WDR19: variants seen among roughly 807,000 people sequenced by gnomAD.
WDR19 encodes the protein WD repeat domain 19, also known as WD repeat-containing protein 19.
In WDR19, 121 loss-of-function variants were observed where a neutral mutation model predicts 180.0. The ratio of observed to expected loss-of-function variants is 0.67; its 90% confidence interval spans 0.58 to 0.78. The LOEUF (loss-of-function observed/expected upper bound fraction) is 0.78, where lower values mean the gene tolerates loss of function less well. Among genes scored for constraint, WDR19 ranks in the 30% least tolerant of loss-of-function variants. The probability of loss-of-function intolerance (pLI) is 0.00; values close to 1 mark genes in which losing one functional copy is unlikely to be tolerated. For synonymous variants in WDR19, 497 were observed against 540.7 expected, an observed-to-expected ratio of 0.92 and a Z score of 1.12; for missense variants, 1,450 against 1,640.7, an observed-to-expected ratio of 0.88 and a Z score of 2.01.
Position 39,235,055 on chromosome 4 carries a change from C to T in WDR19, c.2363+180C>T, listed in dbSNP as rs560580028. On this transcript the variant is annotated intron_variant, in intron 20 of 36. Transcript: ENST00000399820. Reference sequence around the variant, plus strand: ...TAACAATGTCTTATCCATGCATTATCCACTTTAAGTTTTCAGCATCAAAAT... The same window carrying T: ...TAACAATGTCTTATCCATGCATTATTCACTTTAAGTTTTCAGCATCAAAAT... 2.0e-4 allele frequency among the ~76,000 whole-genome samples: 30 copies of T among 152,184 alleles called. No homozygotes were observed. In the South Asian group the frequency reaches 5.0e-3, roughly 25 times the overall value.
chr4:39,271,022 G>A (rs1423694505), intron 31 of WDR19, among the ~76,000 whole-genome samples: 1 of 151,570 alleles, frequency 6.6e-6, no homozygotes, highest in Non-Finnish European at 1.5e-5. Flanking sequence ...AGCCTCCTGA[G>A]TAGCTGGGAT....
chr4:39,213,601 GT>G (rs370472375), intron 9 of WDR19, among the ~76,000 whole-genome samples: 2 of 152,270 alleles, frequency 1.3e-5, no homozygotes, highest in East Asian at 3.9e-4. Flanking sequence ...GGAGGTGAGT[GT>G]TTATAAAAAG....
chr4:39,193,004 A>G (rs1726325599), intron 4 of WDR19, among the ~76,000 whole-genome samples: 1 of 152,204 alleles, frequency 6.6e-6, no homozygotes, highest in African/African-American at 2.4e-5. Context: ...ACGGAGGGAA[A>G]TCTGAGAGGC....
chr4:39,264,853 G>T (rs1196553920), intron 28 of WDR19, among the ~76,000 whole-genome samples: 3 of 151,084 alleles, frequency 2.0e-5, no homozygotes, highest in Non-Finnish European at 2.9e-5. Context: ...CTGCAATGTG[G>T]TACATTATTT....
At chr4:39,182,598 A>G (rs375340188) in intron 1 of WDR19, 35 bp downstream of exon 1, 8 of 1,612,948 alleles carry the variant, frequency 5.0e-6, no homozygotes, top group Non-Finnish European at 2.5e-6. Context: ...GTGGGGCGGG[A>G]AAACGCGACT....
intron 30 of WDR19, 74 bp downstream of exon 30, chr4:39,268,165 G>A: frequency 7.7e-7 from 1 of 1,299,312 alleles, no homozygotes; most frequent in Non-Finnish European, 1.1e-6. Flanking sequence ...TTCTGTGTAG[G>A]AAAGAGTAGC....
chr4:39,215,923 C>A lies in WDR19; in HGVS notation c.1044C>A (p.Thr348=), dbSNP rs1390357298. 6.2e-7 allele frequency: 1 copy of A among 1,613,650 alleles called. No homozygotes were observed. Among genetic ancestry groups the A allele is most frequent in the Non-Finnish European group, 8.5e-7 (1 of 1,179,798 alleles). Residue 348 remains threonine (T), a synonymous_variant, in exon 11 of 37, where the codon ACC becomes ACA. Coordinates refer to ENST00000399820, the MANE Select transcript of WDR19 (RefSeq NM_025132.4). ...GGGGCTCACTTCATGTTTTCCTGAC[C>A]AAGCTTCCCATACTTGGGGATGCCT... ...TQRGSLHVFL[T]KLPILGDACS...
At chr4:39,214,530 T>TTTG in intron 9 of WDR19, 71 bp from the exon 10 acceptor site, 1 of 905,188 alleles carries the variant, frequency 1.1e-6, no homozygotes, top group South Asian at 1.7e-5. Context: ...TGGTTTGTAA[T>TTTG]TTTTTGTGAA....
rs1240185188 is a variant in WDR19, at chr4:39,244,531, T to C, written c.2624T>C (p.Val875Ala). The change falls in exon 23 of 37, where the codon GTT becomes GCT. Residue 875 changes from valine to alanine, a missense_variant. Transcript: ENST00000399820. ...CTCTACTACGATAAAGCAGCATCTG[T>C]TTACATCCGCTCTAAGAATTGGTAA... ...KGLYYDKAAS[V>A]YIRSKNWAKV... 14 of 1,613,980 alleles carry C rather than the reference T, an allele frequency of 8.7e-6. No homozygotes were observed. Among genetic ancestry groups the C allele is most frequent in the Admixed American group, 1.7e-5 (1 of 60,030 alleles).
intron 12 of WDR19, 75 bp downstream of exon 12, chr4:39,216,285 C>A (rs2109327668): frequency 1.7e-6 from 2 of 1,174,678 alleles, no homozygotes; most frequent in Middle Eastern, 1.9e-4. Context: ...CTGCAAGTTT[C>A]TTTTAGGACC....
intron 17 of WDR19, among the ~76,000 whole-genome samples, chr4:39,230,036 C>T (rs186985102): frequency 1.3e-5 from 2 of 152,296 alleles, no homozygotes; most frequent in African/African-American, 4.8e-5. Context: ...AGCCTTGTAA[C>T]GATCTCATCT....
rs1735532595 is a variant in WDR19 at position 39,273,044 on chromosome 4, T to C, written c.3548T>C (p.Ile1183Thr). ...ARMLIRVANNISKFPSHIVPI... is the reference protein window; with the variant it reads ...ARMLIRVANNTSKFPSHIVPI... ...ATGCTCATTCGGGTGGCCAACAACA[T>C]CAGCAAATTTCCATCACGTAAGTAC... Residue 1183 changes from isoleucine (I) to threonine (T), a missense_variant, in exon 32 of 37, where the codon ATC becomes ACC. Coordinates refer to ENST00000399820, the MANE Select transcript of WDR19 (RefSeq NM_025132.4). The C allele has an allele frequency of 6.2e-7, 1 of 1,604,446 alleles. No homozygotes were observed. Among genetic ancestry groups the C allele is most frequent in the African/African-American group, 1.3e-5 (1 of 74,724 alleles).
At chr4:39,267,477 C>T (rs930487257) in intron 29 of WDR19, among the ~76,000 whole-genome samples, 3 of 152,200 alleles carry the variant, frequency 2.0e-5, no homozygotes, top group Non-Finnish European at 2.9e-5. Context: ...GCGTCAGATG[C>T]TCGCAGCTGT....
intron 9 of WDR19, among the ~76,000 whole-genome samples, chr4:39,208,589 C>T (rs1286632231): frequency 6.6e-6 from 1 of 152,040 alleles, no homozygotes; most frequent in African/African-American, 2.4e-5. Flanking sequence ...AGGTGTGAGC[C>T]ACCACGCCCA....
At chr4:39,263,439 T>G (rs1734491068) in intron 28 of WDR19, among the ~76,000 whole-genome samples, 1 of 152,142 alleles carries the variant, frequency 6.6e-6, no homozygotes, top group African/African-American at 2.4e-5. Flanking sequence ...TGGTCCCTTC[T>G]CAGCCTCCTT....
intron 5 of WDR19, among the ~76,000 whole-genome samples, chr4:39,198,724 G>T (rs1263338820): frequency 1.3e-5 from 2 of 152,144 alleles, no homozygotes; most frequent in Non-Finnish European, 2.9e-5. Flanking sequence ...AAATGGCCAG[G>T]TGCGGTGGCT....
In WDR19 at chr4:39,214,596, T is replaced by C; in HGVS notation, c.891-5T>C. On this transcript the variant is annotated splice_region_variant and splice_polypyrimidine_tract_variant and intron_variant, in intron 9 of 36. Coordinates refer to ENST00000399820, the MANE Select transcript of WDR19 (RefSeq NM_025132.4). ...ATTTTTTAATAATGCATTTTTGTTTTTCAGCATTAAAATCCAAGACTTGGT... is the reference window on the plus strand; with the variant it reads ...ATTTTTTAATAATGCATTTTTGTTTCTCAGCATTAAAATCCAAGACTTGGT... 2 of 1,518,842 alleles carry C rather than the reference T, an allele frequency of 1.3e-6. No individual in the cohort carries two copies. The highest frequency in any genetic ancestry group is 9.0e-7 in the Non-Finnish European group (1 of 1,111,908). 94.1% of individuals were successfully genotyped at this position (1,518,842 alleles called of 1,614,324 possible).
At chr4:39,275,676 T>C (rs17431358) in intron 33 of WDR19, among the ~76,000 whole-genome samples, 76,766 of 152,008 alleles carry the variant, frequency 0.51, 20,779 homozygotes, top group African/African-American at 0.71. Context: ...CTCAGGACCT[T>C]CAATTTTCAC....
chr4:39,196,723 T>A (rs1726782109), intron 5 of WDR19, among the ~76,000 whole-genome samples: 1 of 152,222 alleles, frequency 6.6e-6, no homozygotes, highest in Non-Finnish European at 1.5e-5. Flanking sequence ...ATGGTTTCTG[T>A]CTCACCCAGG....
Sources: allele counts gnomAD v4.1 joint callset (sites outside exome capture counted in the v4.1 genomes callset), GRCh38; gene constraint gnomAD v4.1.1; transcripts MANE v1.5; gene names NCBI Gene and HGNC (gene_info 2026-07-23, HGNC 2026-07-21).